Variants in CNTNAP2 observed in about 807,000 individuals in gnomAD.
CNTNAP2 encodes contactin associated protein 2.
In CNTNAP2, 98 loss-of-function variants were observed where a neutral mutation model predicts 155.2. That is an observed-to-expected ratio of 0.63 (90% CI 0.54 to 0.75). The LOEUF (loss-of-function observed/expected upper bound fraction) is 0.75, where lower values mean the gene tolerates loss of function less well. CNTNAP2 is among the 30% of genes least tolerant of loss of function. CNTNAP2 has a pLI of 0.00. For missense variants in CNTNAP2, 1,727 were observed against 1,688.1 expected (o/e 1.02, Z -0.40); for synonymous variants, 651 against 631.2 (o/e 1.03, Z -0.47).
chr7:147,319,566 T>C (rs553504848), intron 9 of CNTNAP2, among the ~76,000 whole-genome samples: 1 of 152,150 alleles, frequency 6.6e-6, no homozygotes, highest in East Asian at 1.9e-4. Context: ...TTAGTAGAGA[T>C]GAGGTTTCAC....
intron 14 of CNTNAP2, among the ~76,000 whole-genome samples, chr7:147,930,378 A>T (rs1190026505): frequency 6.6e-6 from 1 of 152,210 alleles, no homozygotes; most frequent in East Asian, 1.9e-4. Flanking sequence ...TGAATGTGAT[A>T]GGATGAACAA....
intron 11 of CNTNAP2, among the ~76,000 whole-genome samples, chr7:147,493,862 A>G (rs1324337494): frequency 6.6e-6 from 1 of 152,070 alleles, no homozygotes; most frequent in Non-Finnish European, 1.5e-5. Context: ...TGTTTGCTTT[A>G]TTTCTGGGTT....
At chr7:146,795,110 A>C (rs1352983182) in intron 2 of CNTNAP2, among the ~76,000 whole-genome samples, 4 of 152,230 alleles carry the variant, frequency 2.6e-5, no homozygotes, top group African/African-American at 9.6e-5. Context: ...GAATATAACT[A>C]TTTTCCCCTA....
At chr7:148,374,679 A>G (rs1464364980) in intron 21 of CNTNAP2, among the ~76,000 whole-genome samples, 1 of 152,222 alleles carries the variant, frequency 6.6e-6, no homozygotes, top group Non-Finnish European at 1.5e-5. Flanking sequence ...GTAATTTCGT[A>G]CACAGGATTC....
intron 22 of CNTNAP2, among the ~76,000 whole-genome samples, chr7:148,401,638 G>A (rs1396386427): frequency 6.8e-6 from 1 of 146,988 alleles, no homozygotes; most frequent in Non-Finnish European, 1.5e-5. Flanking sequence ...TTGCTCTTTT[G>A]CCCAGGCTGG....
At chr7:148,037,131 G>A (rs1802585622) in intron 15 of CNTNAP2, among the ~76,000 whole-genome samples, 1 of 152,146 alleles carries the variant, frequency 6.6e-6, no homozygotes, top group Non-Finnish European at 1.5e-5. Flanking sequence ...ATTGCCCACT[G>A]ATCAATATTT....
At chr7:148,123,901 G>T (rs998572323) in intron 16 of CNTNAP2, among the ~76,000 whole-genome samples, 1 of 152,130 alleles carries the variant, frequency 6.6e-6, no homozygotes, top group African/African-American at 2.4e-5. Context: ...CCTAAAACAA[G>T]GACATAAAGT....
chr7:147,373,841 T>C (rs1340887559), intron 9 of CNTNAP2, among the ~76,000 whole-genome samples: 2 of 152,034 alleles, frequency 1.3e-5, no homozygotes, highest in African/African-American at 4.8e-5. Flanking sequence ...ATAATTATAT[T>C]TCATCTAGCA....
chr7:148,285,845 C>A (rs1051435681), intron 21 of CNTNAP2, among the ~76,000 whole-genome samples: 2 of 152,078 alleles, frequency 1.3e-5, no homozygotes, highest in African/African-American at 4.8e-5. Context: ...GTGCTGACCC[C>A]CTATGCAGTC....
At chr7:146,515,927 A>G (rs1404340895) in intron 1 of CNTNAP2, among the ~76,000 whole-genome samples, 2 of 152,118 alleles carry the variant, frequency 1.3e-5, no homozygotes, top group Admixed American at 6.6e-5. Flanking sequence ...ATATGTCAGT[A>G]AAATTGCTGT....
intron 15 of CNTNAP2, among the ~76,000 whole-genome samples, chr7:148,052,066 G>A (rs1802902531): frequency 6.6e-6 from 1 of 150,864 alleles, no homozygotes; most frequent in Non-Finnish European, 1.5e-5. Context: ...GTGAACCCAG[G>A]AGGCGGAGCT....
chr7:147,531,332 C>G (rs1247951596), intron 11 of CNTNAP2, among the ~76,000 whole-genome samples: 1 of 152,214 alleles, frequency 6.6e-6, no homozygotes, highest in Non-Finnish European at 1.5e-5. Flanking sequence ...CCTCACTGCC[C>G]TAGCAGAGGT....
intron 1 of CNTNAP2, among the ~76,000 whole-genome samples, chr7:146,393,887 T>A (rs13247443): frequency 0.24 from 37,212 of 152,120 alleles, 5,050 homozygotes; most frequent in Admixed American, 0.4. Context: ...GTAGCCTCCA[T>A]ATTTTGTTCA....
chr7:147,881,883 C>T (rs2116717018), intron 13 of CNTNAP2, among the ~76,000 whole-genome samples: 1 of 152,014 alleles, frequency 6.6e-6, no homozygotes, highest in Admixed American at 6.5e-5. Context: ...GAGGTAGGAG[C>T]ATCGCTTGAA....
intron 13 of CNTNAP2, among the ~76,000 whole-genome samples, chr7:147,894,961 C>CTT (rs1350773023): frequency 2.2e-4 from 8 of 35,658 alleles, no homozygotes; most frequent in African/African-American, 1.4e-3. Context: ...TTCTTTCTTT[C>CTT]TTTCTTTTTT....
At chr7:148,395,150 CTT>C (rs71188978) in intron 22 of CNTNAP2, among the ~76,000 whole-genome samples, 3 of 134,244 alleles carry the variant, frequency 2.2e-5, no homozygotes, top group Admixed American at 7.6e-5. Flanking sequence ...GATTATGTGG[CTT>C]TTTTTTTTTC....
intron 1 of CNTNAP2, among the ~76,000 whole-genome samples, chr7:146,627,312 C>G (rs1278167469): frequency 6.6e-6 from 1 of 152,068 alleles, no homozygotes; most frequent in African/African-American, 2.4e-5. Context: ...GGGACACAGC[C>G]AAACCATATG....
chr7:148,332,145 A>T (rs1478341936), intron 21 of CNTNAP2, among the ~76,000 whole-genome samples: 2 of 145,288 alleles, frequency 1.4e-5, no homozygotes, highest in Non-Finnish European at 3.0e-5. Flanking sequence ...ACCTGGTAAA[A>T]TCATGACAAA....
At chr7:148,041,629 A>G (rs1379079148) in intron 15 of CNTNAP2, among the ~76,000 whole-genome samples, 4 of 152,240 alleles carry the variant, frequency 2.6e-5, no homozygotes, top group African/African-American at 7.2e-5. Context: ...TTATAGCTCC[A>G]CAAAGTTCAT....
Sources: gnomAD v4.1 joint callset for allele counts (sites outside exome capture counted in the v4.1 genomes callset) on GRCh38, gnomAD v4.1.1 for gene constraint, MANE v1.5 for transcripts, NCBI Gene and HGNC (gene_info 2026-07-23, HGNC 2026-07-21) for gene names.